Variants in PCNX2 observed in about 807,000 individuals in gnomAD.
PCNX2 encodes pecanex-like protein 2.
In PCNX2, 168 loss-of-function variants were observed where a neutral mutation model predicts 223.8. The observed-to-expected ratio is 0.75, with a 90% CI of 0.66 to 0.85. The LOEUF is 0.85. Among genes scored for constraint, PCNX2 ranks in the 40% least tolerant of loss-of-function variants. The pLI, the probability that PCNX2 is intolerant of heterozygous loss-of-function variation, is 0.00. For synonymous variants in PCNX2, 1,006 were observed against 1,052.6 expected (o/e 0.96, Z 0.86); for missense variants, 2,507 against 2,675.5 (o/e 0.94, Z 1.39).
chr1:233,110,079 A>C (rs1675031415), intron 21 of PCNX2, among the ~76,000 whole-genome samples: 1 of 152,118 alleles, frequency 6.6e-6, no homozygotes, highest in South Asian at 2.1e-4. Flanking sequence ...ACAGAGGGAG[A>C]CCCTGTCTCA....
intron 1 of PCNX2, chr1:233,289,197 T>G (rs2103027366): frequency 1.2e-6 from 1 of 844,482 alleles, no homozygotes; most frequent in Non-Finnish European, 2.1e-6. Context: ...GAACTTTTTC[T>G]CCAATTCACA....
the PCNX2 span, among the ~76,000 whole-genome samples, chr1:233,316,394 T>G: frequency 8.1e-6 from 1 of 123,812 alleles, no homozygotes; most frequent in East Asian, 2.2e-4. Context: ...CTTGTTTAAC[T>G]GCACTTTTTT....
chr1:233,078,504 C>T (rs1450944818), intron 23 of PCNX2, among the ~76,000 whole-genome samples: 5 of 152,224 alleles, frequency 3.3e-5, no homozygotes, highest in Non-Finnish European at 7.3e-5. Context: ...GCTGGACAAA[C>T]TAAGGATCCT....
intron 17 of PCNX2, among the ~76,000 whole-genome samples, chr1:233,173,583 G>A (rs2102848309): frequency 6.6e-6 from 1 of 152,274 alleles, no homozygotes; most frequent in South Asian, 2.1e-4. Flanking sequence ...ATTTATCAAT[G>A]TTGGGAATAT....
chr1:233,227,811 C>T (rs1207920195), intron 9 of PCNX2, among the ~76,000 whole-genome samples: 1 of 151,952 alleles, frequency 6.6e-6, no homozygotes, highest in Admixed American at 6.6e-5. Context: ...TTTTCATTGG[C>T]AATATCTAGG....
chr1:233,325,455 G>A, the PCNX2 span, among the ~76,000 whole-genome samples: 157 of 148,702 alleles, frequency 1.1e-3, 1 homozygote, highest in Non-Finnish European at 1.8e-3. Flanking sequence ...TCAGGAGATC[G>A]AGACCATCCT....
the PCNX2 span, among the ~76,000 whole-genome samples, chr1:233,316,914 T>A: frequency 6.6e-6 from 1 of 152,234 alleles, no homozygotes; most frequent in Admixed American, 6.5e-5. Flanking sequence ...CCTGCTAAAA[T>A]ATAAGCTCCA....
At position 233,218,134 on chromosome 1, in the gene PCNX2, A is replaced by G; in HGVS notation, c.2555T>C (p.Val852Ala). Residue 852 changes from valine to alanine, a missense_variant, in exon 11 of 34, where the codon GTT becomes GCT. Around this residue, in one of 3 missense-constraint regions of PCNX2, gnomAD observed 104 missense variants for 144.4 expected, o/e 0.72. Transcript: ENST00000258229. ...CAAGGTCAGAAATCCAAGGAGGGAA[A>G]CCAGGACAATGAGTAAAATCGCCAG... ...NVLAILLIVL[V>A]SLLGFLTLSQ... 6.5e-7 allele frequency: 1 copy of G among 1,529,734 alleles called. No homozygotes were observed. Among genetic ancestry groups the G allele is most frequent in the Admixed American group, 2.0e-5 (1 of 49,088 alleles). The allele number at this position is 1,529,734 out of a possible 1,614,324, so 94.8% of individuals were successfully genotyped here.
In PCNX2 at chr1:232,986,583, T is replaced by C. The variant is rs768405679; in HGVS notation, c.5792-43A>G. On this transcript the variant is annotated intron_variant, in intron 32 of 33. Transcript: ENST00000258229. ...ACACAGAGTTGTAGCGGGTGGGTCA[T>C]GAACATCGATACCTGTGTGGTGCAG... 7 of 1,448,738 alleles carry C rather than the reference T, an allele frequency of 4.8e-6. No individual in the cohort carries two copies. The African/African-American group carries it at 7.1e-5, about 15-fold the overall frequency. The allele number at this position is 1,448,738 out of a possible 1,614,324, so 89.7% of individuals were successfully genotyped here.
upstream of PCNX2, among the ~76,000 whole-genome samples, chr1:233,296,276 G>A (rs973677956): frequency 4.6e-5 from 7 of 152,108 alleles, no homozygotes; most frequent in Non-Finnish European, 8.8e-5. Context: ...CTGGTCCTCT[G>A]CCACTGATCT....
chr1:233,000,121 AC>A lies in PCNX2; in HGVS notation c.5328+183del, dbSNP rs146295333. Reference sequence around the variant, plus strand: ...GGTGATCCTGCCAGGGGAACACAGCACCCAGCCTGGCACCATGCCCTGCCCC... The same window carrying A: ...GGTGATCCTGCCAGGGGAACACAGCACCAGCCTGGCACCATGCCCTGCCCC... On this transcript the variant is annotated intron_variant, in intron 30 of 33. Transcript: ENST00000258229. This position sits in a 1 kb window ranked among gnomAD's most constrained non-coding sequence, Gnocchi z 4.6. Among the ~76,000 whole-genome samples, 6,308 of 152,146 alleles carry A rather than the reference AC, an allele frequency of 0.041. 403 individuals carry two copies. Among genetic ancestry groups the A allele is most frequent in the African/African-American group, 0.14 (5,888 of 41,478 alleles).
At chr1:233,240,041 G>C (rs1658660299) in intron 8 of PCNX2, among the ~76,000 whole-genome samples, 1 of 152,206 alleles carries the variant, frequency 6.6e-6, no homozygotes, top group Non-Finnish European at 1.5e-5. Context: ...TCAGAAACCT[G>C]TATTGTCATC....
chr1:233,087,127 GATTT>G lies in PCNX2; in HGVS notation c.4076+2930_4076+2933del, dbSNP rs1673647482. On this transcript the variant is annotated intron_variant, in intron 23 of 33. Transcript: ENST00000258229. ...TAGCCGTGATTATCAGGTCACTGGT[GATTT>G]ATTTATCACTTCCTTGAAGTATTAA... 5 of 985,272 alleles carry G rather than the reference GATTT, an allele frequency of 5.1e-6. No individual in the cohort carries two copies. The South Asian group carries it at 1.9e-4, about 37-fold the overall frequency. 61.0% of individuals were successfully genotyped at this position (985,272 alleles called of 1,614,324 possible). A position where few individuals can be genotyped will look rare whatever the true frequency, so the allele number is the denominator to read the frequency against.
chr1:233,297,554 C>T (rs1353227335), upstream of PCNX2, among the ~76,000 whole-genome samples: 1 of 152,104 alleles, frequency 6.6e-6, no homozygotes, highest in Non-Finnish European at 1.5e-5. Context: ...TAAATATTAG[C>T]TCTCAAGGCA....
intron 12 of PCNX2, among the ~76,000 whole-genome samples, chr1:233,216,182 G>T (rs1441903776): frequency 6.6e-6 from 1 of 152,178 alleles, no homozygotes; most frequent in East Asian, 1.9e-4. Flanking sequence ...GGTGAACTCG[G>T]TACAGAGGCA....
At chr1:233,130,760 G>A (rs1307245665) in intron 21 of PCNX2, among the ~76,000 whole-genome samples, 1 of 151,952 alleles carries the variant, frequency 6.6e-6, no homozygotes, top group East Asian at 1.9e-4. Context: ...TGGGATTACA[G>A]GTGTGTGCCA....
chr1:233,221,840 T>C (rs1205343947), intron 10 of PCNX2, among the ~76,000 whole-genome samples: 1 of 151,964 alleles, frequency 6.6e-6, no homozygotes. Context: ...ACCTGAGAAG[T>C]AAAGGATCAT....
intron 21 of PCNX2, among the ~76,000 whole-genome samples, chr1:233,132,776 CATT>C (rs1485993823): frequency 6.6e-6 from 1 of 152,026 alleles, no homozygotes; most frequent in African/African-American, 2.4e-5. Flanking sequence ...AATGACTTGC[CATT>C]ATTATTTTCC....
rs1237668211 is a variant in PCNX2 at position 233,295,680 on chromosome 1, G to T, written c.-202C>A. ...CCCGGACCCGCGAACCGCGGCGCCG[G>T]AGCCGGCTGCTGCGGCCGGGCAGGT... On this transcript the variant is annotated 5_prime_UTR_variant, in exon 1 of 34. Coordinates refer to ENST00000258229, the MANE Select transcript of PCNX2 (RefSeq NM_014801.4). The surrounding 1 kb of genome is among the most constrained non-coding windows in gnomAD (Gnocchi z 4.1). 1.9e-6 allele frequency: 1 copy of T among 514,428 alleles called. No homozygotes were observed. The highest frequency in any genetic ancestry group is 3.0e-6 in the Non-Finnish European group (1 of 335,934). 31.9% of individuals were successfully genotyped at this position (514,428 alleles called of 1,614,324 possible).
Sources: allele counts gnomAD v4.1 joint callset (sites outside exome capture counted in the v4.1 genomes callset), GRCh38; gene constraint gnomAD v4.1.1; regional missense constraint gnomAD v4.1.1; non-coding constraint Gnocchi (gnomAD v3.1); transcripts MANE v1.5; gene names NCBI Gene and HGNC (gene_info 2026-07-23, HGNC 2026-07-21).